The following OAS3 variants were observed in gnomAD, a reference collection of about 807,000 sequenced individuals.
The protein encoded by OAS3 is 2'-5'-oligoadenylate synthetase 3.
Under a neutral mutation model 113.0 loss-of-function variants are expected in OAS3, and 107 were observed. The observed-to-expected ratio is 0.95, with a 90% CI of 0.81 to 1.11. The LOEUF (loss-of-function observed/expected upper bound fraction) is 1.11, where lower values mean the gene tolerates loss of function less well. OAS3 is among the 50% of genes most tolerant of loss of function. OAS3 has a pLI of 0.00. For synonymous variants in OAS3, 552 were observed against 573.6 expected, an observed-to-expected ratio of 0.96 and a Z score of 0.54; for missense variants, 1,258 against 1,389.1, an observed-to-expected ratio of 0.91 and a Z score of 1.50.
In OAS3 at chr12:112,954,321, C is replaced by T. The variant is rs540739506; in HGVS notation, c.1657+3346C>T. Among the ~76,000 whole-genome samples the T allele has an allele frequency of 7.9e-5, 12 of 151,924 alleles. No individual in the cohort carries two copies. The highest frequency in any genetic ancestry group is 4.6e-4 in the Admixed American group (7 of 15,264). ...GTTGTTGTTGTTTGAGATGGAGTCTCGCTCTGTTGCCTAGGCTGGAGTGCA... is the reference window on the plus strand; with the variant it reads ...GTTGTTGTTGTTTGAGATGGAGTCTTGCTCTGTTGCCTAGGCTGGAGTGCA... On this transcript the variant is annotated intron_variant, in intron 7 of 15. Coordinates refer to ENST00000228928, the MANE Select transcript of OAS3 (RefSeq NM_006187.4). This position sits in a 1 kb window ranked among gnomAD's most constrained non-coding sequence, Gnocchi z 4.0.
chr12:112,944,774 A>T (rs929875464), intron 3 of OAS3, 123 bp downstream of exon 3: 3 of 1,037,466 alleles, frequency 2.9e-6, no homozygotes, highest in Admixed American at 1.9e-5. Flanking sequence ...TTGTCTGTTT[A>T]TGTCCCTTGT....
At chr12:112,944,858 C>A in intron 3 of OAS3, 3 of 594,146 alleles carry the variant, frequency 5.0e-6, no homozygotes, top group East Asian at 2.9e-5. Flanking sequence ...GATACTGATC[C>A]TTATTTAGTT....
chr12:112,952,019 C>A (rs1168763304), intron 7 of OAS3, among the ~76,000 whole-genome samples: 1 of 151,922 alleles, frequency 6.6e-6, no homozygotes, highest in Admixed American at 6.6e-5. Context: ...CTCATGCTTT[C>A]CATTGCTGAA....
chr12:112,964,838 T>A lies in OAS3; in HGVS notation c.2403+430T>A, dbSNP rs2043920267. ...CCAGAAAGGGGAACTTGTTTTTTCT[T>A]AAAATTCAAATAAAAGTCTTGGAAT... On this transcript the variant is annotated intron_variant, in intron 11 of 15. Transcript: ENST00000228928. Among the ~76,000 whole-genome samples the A allele has an allele frequency of 2.0e-5, 3 of 152,312 alleles. No homozygotes were observed. The South Asian group carries it at 6.2e-4, about 32-fold the overall frequency.
rs750973112 is a variant in OAS3, at chr12:112,949,018, G to C, written c.1187G>C (p.Ser396Thr). Residue 396 changes from serine to threonine, a missense_variant, in exon 6 of 16, where the codon AGC (serine) becomes ACC (threonine). Physicochemically the swap from Ser to Thr is moderately conservative, Grantham distance 58. Coordinates refer to ENST00000228928, the MANE Select transcript of OAS3 (RefSeq NM_006187.4). ...GCTCCTGGCCCCACTGGGGCAGCCA[G>C]CATCGTCCCCTCTGTGCCGGGAATG... ...CPAPGPTGAA[S>T]IVPSVPGMAL... 1.9e-6 allele frequency: 3 copies of C among 1,614,048 alleles called. No homozygotes were observed. The East Asian group carries it at 6.7e-5, about 36-fold the overall frequency.
At chr12:112,959,459 T>A (rs542219713) in intron 7 of OAS3, among the ~76,000 whole-genome samples, 3 of 152,180 alleles carry the variant, frequency 2.0e-5, no homozygotes, top group Non-Finnish European at 4.4e-5. Flanking sequence ...ACTGGAGCTG[T>A]TCCTATTCAG....
chr12:112,952,399 A>C (rs2043800654), intron 7 of OAS3, among the ~76,000 whole-genome samples: 1 of 152,154 alleles, frequency 6.6e-6, no homozygotes, highest in Non-Finnish European at 1.5e-5. Flanking sequence ...TGTGTTATTA[A>C]ATTGTACCCA....
In OAS3 at chr12:112,944,546, G is replaced by C. The variant is rs758862803; in HGVS notation, c.531G>C (p.Gly177=). Residue 177 remains glycine, a synonymous_variant, in exon 3 of 16, where the codon GGG becomes GGC. Coordinates refer to ENST00000228928, the MANE Select transcript of OAS3 (RefSeq NM_006187.4). ...YSTLLNSGCQ[G]GEHAACFTEL... is the part of the protein sequence containing the mutation. ...CCCTCCTCAACAGTGGCTGCCAAGG[G>C]GGCGAGCATGCGGCCTGCTTCACAG... is the stretch of plus-strand genomic sequence containing the variant. 3 of 1,613,950 alleles carry C rather than the reference G, an allele frequency of 1.9e-6. No homozygotes were observed. The highest frequency in any genetic ancestry group is 2.7e-5 in the African/African-American group (2 of 74,948).
At chr12:112,961,003 G>T in intron 7 of OAS3, 68 bp from the exon 8 acceptor site, 6 of 1,461,748 alleles carry the variant, frequency 4.1e-6, no homozygotes, top group Non-Finnish European at 5.7e-6. Context: ...GCTGGTGAAT[G>T]GATGGGTTGG....
intron 11 of OAS3, among the ~76,000 whole-genome samples, chr12:112,964,962 T>C (rs2043921265): frequency 6.6e-6 from 1 of 152,162 alleles, no homozygotes. Context: ...CTGGGTCACA[T>C]GGTGAAGTGG....
chr12:112,967,542 C>T lies in OAS3; in HGVS notation c.2814C>T (p.Arg938=). Residue 938 remains arginine, a synonymous_variant, in exon 13 of 16, where the codon CGC becomes CGT. Coordinates refer to ENST00000228928, the MANE Select transcript of OAS3 (RefSeq NM_006187.4). ...TACAACGGGACTTCATCATCTCTCGCCCTACCAAGCTGAAGAGCCTGATCC... is the reference window on the plus strand; with the variant it reads ...TACAACGGGACTTCATCATCTCTCGTCCTACCAAGCTGAAGAGCCTGATCC... ...TELQRDFIIS[R]PTKLKSLIRL... 6.2e-7 allele frequency: 1 copy of T among 1,613,880 alleles called. No individual in the cohort carries two copies. The highest frequency in any genetic ancestry group is 8.5e-7 in the Non-Finnish European group (1 of 1,179,848).
At chr12:112,947,745 C>T (rs1209515094) in intron 4 of OAS3, among the ~76,000 whole-genome samples, 1 of 152,204 alleles carries the variant, frequency 6.6e-6, no homozygotes, top group Non-Finnish European at 1.5e-5. Context: ...GTGATTCCAA[C>T]GTGCAGCCAG....
intron 14 of OAS3, among the ~76,000 whole-genome samples, chr12:112,968,619 ATTC>A (rs1439899653): frequency 2.0e-5 from 3 of 152,264 alleles, no homozygotes; most frequent in African/African-American, 7.2e-5. Context: ...GGTTCAAGCA[ATTC>A]TTCTGCCTCA....
In OAS3 at chr12:112,950,501, A is replaced by G. The variant is rs989141632; in HGVS notation, c.1375-192A>G. ...TGGATCAGAGGGCAGGTGCAGGCAG[A>G]TACAACTTGACTCTCTGTCACAATT... is the stretch of plus-strand genomic sequence containing the variant. On this transcript the variant is annotated intron_variant, in intron 6 of 15. Coordinates refer to ENST00000228928, the MANE Select transcript of OAS3 (RefSeq NM_006187.4). The G allele has an allele frequency of 1.1e-4, 69 of 641,124 alleles. No homozygotes were observed. In the African/African-American group the frequency reaches 1.1e-3, roughly 11 times the overall value. 39.7% of individuals were successfully genotyped at this position (641,124 alleles called of 1,614,324 possible). A position where few individuals can be genotyped will look rare whatever the true frequency, so the allele number is the denominator to read the frequency against.
intron 7 of OAS3, among the ~76,000 whole-genome samples, chr12:112,953,604 A>G (rs1246388057): frequency 6.6e-6 from 1 of 152,184 alleles, no homozygotes; most frequent in Non-Finnish European, 1.5e-5. Context: ...AGTCCCACCA[A>G]CAGTGTAAAA....
chr12:112,960,214 G>A (rs1375096152), intron 7 of OAS3, among the ~76,000 whole-genome samples: 2 of 152,086 alleles, frequency 1.3e-5, no homozygotes, highest in Admixed American at 6.5e-5. Flanking sequence ...CTAATTCCCA[G>A]GCTAGATTAT....
At chr12:112,940,574 C>T (rs1396516539) in intron 1 of OAS3, among the ~76,000 whole-genome samples, 1 of 152,194 alleles carries the variant, frequency 6.6e-6, no homozygotes, top group African/African-American at 2.4e-5. Flanking sequence ...ACTAATCACA[C>T]AGGTCTCAGA....
Position 112,954,335 on chromosome 12 carries a change from G to A in OAS3, c.1657+3360G>A, listed in dbSNP as rs1189920886. On this transcript the variant is annotated intron_variant, in intron 7 of 15. Transcript: ENST00000228928. This position sits in a 1 kb window ranked among gnomAD's most constrained non-coding sequence, Gnocchi z 4.0. ...AGATGGAGTCTCGCTCTGTTGCCTA[G>A]GCTGGAGTGCAGTGACGCGATCTCG... 6.6e-6 allele frequency among the ~76,000 whole-genome samples: 1 copy of A among 152,102 alleles called. No individual in the cohort carries two copies. The highest frequency in any genetic ancestry group is 1.5e-5 in the Non-Finnish European group (1 of 68,038).
rs369399935 is a variant in OAS3 at position 112,944,577 on chromosome 12, C to G, written c.562C>G (p.Arg188Gly). The change falls in exon 3 of 16, where the codon CGG (arginine) becomes GGG (glycine). Residue 188 changes from arginine to glycine, a missense_variant. Physicochemically the swap from Arg to Gly is moderately radical, Grantham distance 125. Transcript: ENST00000228928. ...GEHAACFTEL[R>G]RNFVNIRPAK... ...GCATGCGGCCTGCTTCACAGAGCTGCGGAGGAACTTTGTGAACATTCGCCC... is the reference window on the plus strand; with the variant it reads ...GCATGCGGCCTGCTTCACAGAGCTGGGGAGGAACTTTGTGAACATTCGCCC... 1.2e-6 allele frequency: 2 copies of G among 1,614,072 alleles called. No individual in the cohort carries two copies. Among genetic ancestry groups the G allele is most frequent in the South Asian group, 1.1e-5 (1 of 91,090 alleles).
Sources: allele counts gnomAD v4.1 joint callset (sites outside exome capture counted in the v4.1 genomes callset), GRCh38; gene constraint gnomAD v4.1.1; non-coding constraint Gnocchi (gnomAD v3.1); transcripts MANE v1.5; gene names NCBI Gene and HGNC (gene_info 2026-07-23, HGNC 2026-07-21).